Variants in TBC1D4 observed in about 807,000 individuals in gnomAD.
TBC1D4 encodes the protein TBC1 domain family member 4.
A neutral mutation model predicts 142.5 loss-of-function variants in TBC1D4; 121 were observed. The ratio of observed to expected loss-of-function variants is 0.85; its 90% CI spans 0.73 to 0.99. TBC1D4 has a LOEUF of 0.99. Among genes scored for constraint, TBC1D4 ranks in the 50% least tolerant of loss-of-function variants. TBC1D4 has a pLI of 0.00. For missense variants in TBC1D4, 1,475 were observed against 1,606.6 expected (o/e 0.92, Z 1.40); for synonymous variants, 630 against 628.2 (o/e 1.00, Z -0.04).
intron 1 of TBC1D4, among the ~76,000 whole-genome samples, chr13:75,404,063 T>TACACACACACACACACACACAAAC (rs1885220610): frequency 6.7e-6 from 1 of 148,972 alleles, no homozygotes; most frequent in African/African-American, 2.5e-5. Flanking sequence ...TATATATACA[T>TACACACACACACACACACACAAAC]ACACACACAC....
chr13:75,457,287 G>A (rs1273199281), intron 1 of TBC1D4, among the ~76,000 whole-genome samples: 1 of 152,008 alleles, frequency 6.6e-6, no homozygotes, highest in Non-Finnish European at 1.5e-5. Context: ...ACAGACCTTA[G>A]GGCCAGGGTC....
chr13:75,326,906 C>A (rs1428823903), intron 9 of TBC1D4, among the ~76,000 whole-genome samples: 1 of 152,124 alleles, frequency 6.6e-6, no homozygotes, highest in Non-Finnish European at 1.5e-5. Flanking sequence ...TATTACAATG[C>A]CTAAGTGTCC....
rs1302593847 is a variant in TBC1D4, at chr13:75,344,052, G to A, written c.1409-2465C>T. 2.0e-5 allele frequency among the ~76,000 whole-genome samples: 3 copies of A among 150,726 alleles called. No individual in the cohort carries two copies. In the East Asian group the frequency reaches 6.0e-4, roughly 30 times the overall value. ...GACGGAGTTTCACCATTTTGGAGAG[G>A]CTGGGCCTGAACTCCTGACCTCCTG... On this transcript the variant is annotated intron_variant, in intron 5 of 20. Transcript: ENST00000377636.
At chr13:75,434,129 C>G (rs1205395332) in intron 1 of TBC1D4, among the ~76,000 whole-genome samples, 1 of 152,160 alleles carries the variant, frequency 6.6e-6, no homozygotes, top group East Asian at 1.9e-4. Flanking sequence ...AAAAGTAGAA[C>G]TACCATTCAA....
rs746462332 is a variant in TBC1D4, at chr13:75,310,028, G to A, written c.2507C>T (p.Ser836Leu). 1.2e-6 allele frequency: 2 copies of A among 1,614,014 alleles called. No homozygotes were observed. Among genetic ancestry groups the A allele is most frequent in the Non-Finnish European group, 1.7e-6 (2 of 1,179,974 alleles). The change falls in exon 14 of 21, where the codon TCA (serine) becomes TTA (leucine). Residue 836 changes from serine to leucine, a missense_variant. Ser to Leu is a moderately radical substitution (Grantham distance 145). Around this residue, in one of 2 missense-constraint regions of TBC1D4, gnomAD observed 1,227 missense variants for 1,267.7 expected, o/e 0.97. Transcript: ENST00000377636. ...TCTCCACAAGCTCCTCAGTTCTTTT[G>A]ATTTCTTTCTTTCTTCAATCTTTTC... ...DPEKIEERKK[S>L]KELRSLWRKA... is the part of the protein sequence containing the mutation.
chr13:75,447,321 A>G (rs1292276019), intron 1 of TBC1D4, among the ~76,000 whole-genome samples: 1 of 152,210 alleles, frequency 6.6e-6, no homozygotes, highest in Non-Finnish European at 1.5e-5. Flanking sequence ...CTAGCAGTTT[A>G]TGCGAGTTCC....
intron 4 of TBC1D4, among the ~76,000 whole-genome samples, chr13:75,355,211 T>C (rs1320527642): frequency 1.3e-5 from 2 of 152,216 alleles, no homozygotes; most frequent in Non-Finnish European, 2.9e-5. Flanking sequence ...CTGATTTCTA[T>C]ATGACGAAGT....
chr13:75,479,280 T>C lies in TBC1D4; in HGVS notation c.498+1990A>G, dbSNP rs147937472. ...TTGGTTAAGAGCAAATAGTAATTCA[T>C]ATCTTTAGATCAAACACTCATCTGG... On this transcript the variant is annotated intron_variant, in intron 1 of 20. Transcript: ENST00000377636. Among the ~76,000 whole-genome samples the C allele has an allele frequency of 4.5e-3, 683 of 152,302 alleles. 5 individuals are homozygous for C. Among genetic ancestry groups the C allele is most frequent in the African/African-American group, 0.016 (652 of 41,574 alleles).
intron 1 of TBC1D4, among the ~76,000 whole-genome samples, chr13:75,384,977 A>C (rs1884084479): frequency 6.6e-6 from 1 of 152,238 alleles, no homozygotes; most frequent in Non-Finnish European, 1.5e-5. Flanking sequence ...TGACTAATAA[A>C]TCTTCCATGC....
At chr13:75,404,978 T>C (rs928622596) in intron 1 of TBC1D4, among the ~76,000 whole-genome samples, 10 of 152,298 alleles carry the variant, frequency 6.6e-5, no homozygotes, top group East Asian at 3.9e-4. Context: ...TTTTAGGTAC[T>C]GCACATCTAT....
At chr13:75,347,629 TA>T (rs972076346) in intron 5 of TBC1D4, among the ~76,000 whole-genome samples, 7 of 152,200 alleles carry the variant, frequency 4.6e-5, no homozygotes, top group Non-Finnish European at 7.3e-5. Flanking sequence ...CATGTATTAC[TA>T]AGCAGGATGA....
chr13:75,354,413 G>A (rs555730094), intron 4 of TBC1D4, among the ~76,000 whole-genome samples: 5 of 152,252 alleles, frequency 3.3e-5, no homozygotes, highest in East Asian at 1.9e-4. Flanking sequence ...GCCTAGAATC[G>A]GGTAGCAAAG....
chr13:75,386,386 CT>C (rs67450573), intron 1 of TBC1D4, among the ~76,000 whole-genome samples: 132,633 of 143,774 alleles, frequency 0.92, 61,845 homozygotes, highest in East Asian at 1. Context: ...TTTTCTTTTT[CT>C]TTTTCTTTTT....
chr13:75,442,523 G>GA (rs893657978), intron 1 of TBC1D4, among the ~76,000 whole-genome samples: 7 of 150,340 alleles, frequency 4.7e-5, no homozygotes, highest in Admixed American at 1.3e-4. Context: ...TTTGGTAGGG[G>GA]AAAAAAAAAC....
At chr13:75,338,814 C>T (rs1284544920) in intron 7 of TBC1D4, among the ~76,000 whole-genome samples, 1 of 152,186 alleles carries the variant, frequency 6.6e-6, no homozygotes, top group Admixed American at 6.5e-5. Context: ...CCCTGCCCCA[C>T]TCTCGTCTGC....
At chr13:75,428,102 C>A (rs1886451604) in intron 1 of TBC1D4, among the ~76,000 whole-genome samples, 1 of 152,076 alleles carries the variant, frequency 6.6e-6, no homozygotes, top group African/African-American at 2.4e-5. Context: ...GTATTAAAAT[C>A]AACAGGGGAC....
At chr13:75,365,432 A>T (rs373796446) in intron 1 of TBC1D4, among the ~76,000 whole-genome samples, 1 of 152,056 alleles carries the variant, frequency 6.6e-6, no homozygotes, top group Admixed American at 6.5e-5. Flanking sequence ...GAAGGGGCAC[A>T]CTGCTCATAT....
intron 8 of TBC1D4, among the ~76,000 whole-genome samples, chr13:75,335,159 G>C (rs867409120): frequency 5.3e-5 from 8 of 152,118 alleles, no homozygotes; most frequent in Admixed American, 2.6e-4. Context: ...CTGCCAGTAT[G>C]CTGCCTCCTA....
chr13:75,409,844 T>A (rs560919415), intron 1 of TBC1D4, among the ~76,000 whole-genome samples: 1 of 152,314 alleles, frequency 6.6e-6, no homozygotes, highest in African/African-American at 2.4e-5. Context: ...CTTCTAATCT[T>A]AGGATGTTAA....
Sources: allele counts gnomAD v4.1 joint callset (sites outside exome capture counted in the v4.1 genomes callset), GRCh38; gene constraint gnomAD v4.1.1; regional missense constraint gnomAD v4.1.1; transcripts MANE v1.5; gene names NCBI Gene and HGNC (gene_info 2026-07-23, HGNC 2026-07-21).